MAST2: variants seen among roughly 807,000 people sequenced by gnomAD.
MAST2 encodes the protein microtubule associated serine/threonine kinase 2.
In MAST2, 70 loss-of-function variants were observed where a neutral mutation model predicts 147.4. That is an observed-to-expected ratio of 0.47 (90% CI 0.39 to 0.58). MAST2 has a LOEUF of 0.58. Ranked by LOEUF, MAST2 falls within the 20% of genes least tolerant of loss-of-function variation. MAST2 has a pLI of 0.00. For missense variants in MAST2, 2,080 were observed against 2,302.3 expected (o/e 0.90, Z 1.98); for synonymous variants, 869 against 896.8 (o/e 0.97, Z 0.55).
chr1:45,948,923 G>T (rs1658518069), intron 4 of MAST2, among the ~76,000 whole-genome samples: 1 of 151,956 alleles, frequency 6.6e-6, no homozygotes, highest in South Asian at 2.1e-4. Context: ...AAAATCGTAG[G>T]CCACACACCT....
chr1:45,958,864 A>C (rs1033421001), intron 4 of MAST2, among the ~76,000 whole-genome samples: 2 of 152,222 alleles, frequency 1.3e-5, no homozygotes, highest in Non-Finnish European at 2.9e-5. Flanking sequence ...AGACATTAAC[A>C]TGTAGTGGAA....
chr1:45,953,913 G>T (rs1659292691), intron 4 of MAST2, among the ~76,000 whole-genome samples: 1 of 152,064 alleles, frequency 6.6e-6, no homozygotes, highest in Admixed American at 6.6e-5. Context: ...CCCTTTATTG[G>T]GGAGGGAATA....
At chr1:45,946,022 G>A (rs958266870) in intron 4 of MAST2, among the ~76,000 whole-genome samples, 1 of 152,282 alleles carries the variant, frequency 6.6e-6, no homozygotes, top group Middle Eastern at 3.4e-3. Context: ...ACTGCTTTAA[G>A]AATACATTAC....
intron 4 of MAST2, among the ~76,000 whole-genome samples, chr1:45,901,589 A>G (rs1299455779): frequency 6.6e-6 from 1 of 152,116 alleles, no homozygotes; most frequent in South Asian, 2.1e-4. Flanking sequence ...AGTCATTTTC[A>G]CGATATTGAT....
intron 6 of MAST2, 32 bp from the exon 7 acceptor site, chr1:46,002,773 A>G (rs1645326600): frequency 6.2e-7 from 1 of 1,608,254 alleles, no homozygotes; most frequent in Non-Finnish European, 8.5e-7. Context: ...GTAGTCCTGC[A>G]GAAACTGCCT....
intron 5 of MAST2, among the ~76,000 whole-genome samples, chr1:45,991,984 C>T (rs761608636): frequency 6.6e-6 from 1 of 152,142 alleles, no homozygotes; most frequent in Non-Finnish European, 1.5e-5. Context: ...CCAACTCAGC[C>T]TCCGAAAGTG....
At chr1:45,889,547 A>G (rs900526216) in intron 4 of MAST2, among the ~76,000 whole-genome samples, 8 of 151,942 alleles carry the variant, frequency 5.3e-5, no homozygotes, top group Admixed American at 6.6e-5. Context: ...TGTGGTTGCT[A>G]TATTTTTCTC....
In MAST2 at chr1:46,035,584, C is replaced by T; in HGVS notation, c.4915C>T (p.Pro1639Ser). 1 of 1,613,742 alleles carries T rather than the reference C, an allele frequency of 6.2e-7. No individual in the cohort carries two copies. Among genetic ancestry groups the T allele is most frequent in the Non-Finnish European group, 8.5e-7 (1 of 1,179,998 alleles). Reference sequence around the variant, plus strand: ...TTCTCCCAGCACTTCGGGACTCACCCCCACCAGCAGTTGCTCTCCTCCCAG... The same window carrying T: ...TTCTCCCAGCACTTCGGGACTCACCTCCACCAGCAGTTGCTCTCCTCCCAG... Reference protein sequence around the residue: ...ALSPSTSGLTPTSSCSPPSST... With the variant: ...ALSPSTSGLTSTSSCSPPSST... The change falls in exon 29 of 29, where the codon CCC (proline) becomes TCC (serine). Residue 1639 changes from proline (P) to serine (S), a missense_variant. Physicochemically the swap from Pro to Ser is moderately conservative, Grantham distance 74 (BLOSUM62 -1). This residue lies in a region of MAST2 where 1,278 missense variants were observed against 1,304.2 expected (regional missense o/e 0.98). Coordinates refer to ENST00000361297, the MANE Select transcript of MAST2 (RefSeq NM_015112.3). This position sits in a 1 kb window ranked among gnomAD's most constrained non-coding sequence, Gnocchi z 5.5.
chr1:46,001,931 G>A (rs1232028267), intron 6 of MAST2, among the ~76,000 whole-genome samples: 1 of 152,060 alleles, frequency 6.6e-6, no homozygotes. Flanking sequence ...GTGAGTAACA[G>A]CAAAAAAACT....
chr1:45,920,952 C>T (rs996019445), intron 4 of MAST2, among the ~76,000 whole-genome samples: 7 of 152,012 alleles, frequency 4.6e-5, no homozygotes, highest in African/African-American at 1.2e-4. Context: ...GTAGAAACTA[C>T]CATTCAACCC....
chr1:45,961,825 G>C (rs1377836517), intron 5 of MAST2, among the ~76,000 whole-genome samples: 4 of 151,980 alleles, frequency 2.6e-5, no homozygotes, highest in Non-Finnish European at 1.5e-5. Flanking sequence ...ACAACTTACA[G>C]GTTTGTTACA....
At chr1:46,027,660 G>GTC in intron 16 of MAST2, 71 bp from the exon 17 acceptor site, 4 of 1,521,206 alleles carry the variant, frequency 2.6e-6, no homozygotes, top group South Asian at 1.2e-5. Context: ...GGGGAAACTG[G>GTC]GCATATACTA....
At chr1:45,951,216 G>A (rs1343257142) in intron 4 of MAST2, among the ~76,000 whole-genome samples, 1 of 152,052 alleles carries the variant, frequency 6.6e-6, no homozygotes, top group African/African-American at 2.4e-5. Flanking sequence ...GTGAGAACCT[G>A]TCTCAAAAAG....
In MAST2 at chr1:46,023,401, G is replaced by A; in HGVS notation, c.1571+83G>A. On this transcript the variant is annotated intron_variant, in intron 14 of 28. Coordinates refer to ENST00000361297, the MANE Select transcript of MAST2 (RefSeq NM_015112.3). The surrounding 1 kb of genome is among the most constrained non-coding windows in gnomAD (Gnocchi z 4.9). ...TCCATGTGAGAGTGTATGCTGCCCA[G>A]TCCTCTGGGCAGATGCCTCGGGGTG... is the stretch of plus-strand genomic sequence containing the variant. The A allele has an allele frequency of 7.5e-7, 1 of 1,328,300 alleles. No individual in the cohort carries two copies. The highest frequency in any genetic ancestry group is 1.2e-5 in the South Asian group (1 of 85,226). 82.3% of individuals were successfully genotyped at this position (1,328,300 alleles called of 1,614,324 possible).
At chr1:46,029,047 T>G in intron 18 of MAST2, 114 bp downstream of exon 18, 3 of 1,183,030 alleles carry the variant, frequency 2.5e-6, no homozygotes, top group Non-Finnish European at 3.6e-6. Flanking sequence ...TCATGTGTGT[T>G]TGTGATGTCT....
At chr1:45,945,431 G>C (rs539618162) in intron 4 of MAST2, among the ~76,000 whole-genome samples, 3 of 152,330 alleles carry the variant, frequency 2.0e-5, no homozygotes, top group Non-Finnish European at 2.9e-5. Flanking sequence ...TGACCATGAT[G>C]ATACTGGTCT....
At chr1:46,026,220 T>C (rs1249336444) in intron 16 of MAST2, among the ~76,000 whole-genome samples, 3 of 152,176 alleles carry the variant, frequency 2.0e-5, no homozygotes, top group Non-Finnish European at 2.9e-5. Flanking sequence ...GACAGAAATA[T>C]ATGTATATAG....
intron 3 of MAST2, among the ~76,000 whole-genome samples, chr1:45,868,445 G>A (rs1570446869): frequency 3.3e-5 from 5 of 152,228 alleles, no homozygotes; most frequent in African/African-American, 9.6e-5. Context: ...CAATTTCCCA[G>A]GTTCTGAATT....
intron 4 of MAST2, among the ~76,000 whole-genome samples, chr1:45,928,734 G>T (rs997128478): frequency 1.3e-5 from 2 of 151,830 alleles, no homozygotes; most frequent in African/African-American, 4.8e-5. Context: ...ACATGCACCA[G>T]AAGCCTGGCT....
Sources: allele counts gnomAD v4.1 joint callset (sites outside exome capture counted in the v4.1 genomes callset), GRCh38; gene constraint gnomAD v4.1.1; regional missense constraint gnomAD v4.1.1; non-coding constraint Gnocchi (gnomAD v3.1); transcripts MANE v1.5; gene names NCBI Gene and HGNC (gene_info 2026-07-23, HGNC 2026-07-21).